Variants in DCLK1 observed in about 807,000 individuals in gnomAD.
DCLK1 encodes the protein doublecortin like kinase 1.
A neutral mutation model predicts 86.2 loss-of-function variants in DCLK1; 16 were observed. That is an observed-to-expected ratio of 0.19 (90% confidence interval 0.13 to 0.28). DCLK1 has a LOEUF of 0.28. Ranked by LOEUF, DCLK1 falls within the 10% of genes least tolerant of loss-of-function variation. The pLI is 1.00. For missense variants in DCLK1, 590 were observed against 940.2 expected (o/e 0.63, Z 4.87); for synonymous variants, 369 against 370.5 (o/e 1.00, Z 0.05).
intron 3 of DCLK1, among the ~76,000 whole-genome samples, chr13:36,057,265 C>G (rs940242112): frequency 3.1e-4 from 47 of 152,200 alleles, no homozygotes; most frequent in African/African-American, 9.6e-4. Context: ...CCAGTCGTCC[C>G]ACCCCTTTTC....
intron 16 of DCLK1, among the ~76,000 whole-genome samples, chr13:35,784,657 T>TGAATCC: frequency 1.3e-5 from 2 of 152,328 alleles, no homozygotes. Flanking sequence ...TGTGTTAAAC[T>TGAATCC]GAATCCCCCA....
intron 3 of DCLK1, among the ~76,000 whole-genome samples, chr13:35,962,067 A>G (rs1323609508): frequency 6.6e-6 from 1 of 152,208 alleles, no homozygotes; most frequent in East Asian, 1.9e-4. Flanking sequence ...AAAATTTTTC[A>G]GCTCAAGAAG....
chr13:35,829,667 C>T (rs1250720932), intron 8 of DCLK1, among the ~76,000 whole-genome samples: 1 of 151,966 alleles, frequency 6.6e-6, no homozygotes, highest in African/African-American at 2.4e-5. Flanking sequence ...TTCATGGTGC[C>T]GGCCTCAAAA....
At chr13:36,098,088 G>C (rs1328113904) in intron 3 of DCLK1, among the ~76,000 whole-genome samples, 3 of 152,044 alleles carry the variant, frequency 2.0e-5, no homozygotes, top group Non-Finnish European at 4.4e-5. Flanking sequence ...CCTGGCATAC[G>C]GTAAACATTC....
intron 4 of DCLK1, among the ~76,000 whole-genome samples, chr13:35,886,823 C>T (rs953675678): frequency 1.3e-5 from 2 of 152,308 alleles, no homozygotes; most frequent in African/African-American, 4.8e-5. Context: ...GGTTATTTCA[C>T]TTAAAGATTA....
At chr13:35,839,043 A>G in intron 7 of DCLK1, 49 bp downstream of exon 7, 1 of 1,525,742 alleles carries the variant, frequency 6.6e-7, no homozygotes. Flanking sequence ...GAGTAAATTT[A>G]GCCAACCCAT....
chr13:36,071,427 A>G (rs976978625), intron 3 of DCLK1, among the ~76,000 whole-genome samples: 27 of 152,166 alleles, frequency 1.8e-4, no homozygotes, highest in African/African-American at 5.8e-4. Flanking sequence ...ATGAGGAAAC[A>G]AATTCAGCAA....
intron 5 of DCLK1, among the ~76,000 whole-genome samples, chr13:35,859,831 G>T (rs868111919): frequency 4.6e-5 from 7 of 152,314 alleles, no homozygotes; most frequent in Middle Eastern, 6.8e-3. Context: ...GGAAATACTT[G>T]GCTTAATTTA....
chr13:35,871,299 A>T lies in DCLK1; in HGVS notation c.865T>A (p.Ser289Thr). 1 of 1,614,052 alleles carries T rather than the reference A, an allele frequency of 6.2e-7. No homozygotes were observed. The highest frequency in any genetic ancestry group is 8.5e-7 in the Non-Finnish European group (1 of 1,180,000). ...TTGGTGGTGCTCCTGCGGGATGATG[A>T]AGCTATTTTGGTGTAAGAAGTGGAC... ...VKSTSYTKIASSSRRSTTKSP... is the reference protein window; with the variant it reads ...VKSTSYTKIATSSRRSTTKSP... The change falls in exon 5 of 17, where the codon TCA (serine) becomes ACA (threonine). Residue 289 changes from serine to threonine, a missense_variant. By Grantham distance (58) the Ser-to-Thr change is moderately conservative (BLOSUM62 1). Transcript: ENST00000360631.
chr13:35,788,125 A>G (rs1287551645), intron 16 of DCLK1: 1 of 1,233,904 alleles, frequency 8.1e-7, no homozygotes, highest in African/African-American at 1.5e-5. Flanking sequence ...AATCAAAAGC[A>G]TGTTTATCCA....
intron 16 of DCLK1, among the ~76,000 whole-genome samples, chr13:35,774,901 G>A (rs1458827275): frequency 2.6e-5 from 4 of 152,116 alleles, no homozygotes; most frequent in African/African-American, 9.7e-5. Context: ...ACCTGGTCAT[G>A]ACATCTGCAG....
At chr13:35,887,735 A>T (rs1873367035) in intron 4 of DCLK1, among the ~76,000 whole-genome samples, 1 of 152,056 alleles carries the variant, frequency 6.6e-6, no homozygotes, top group African/African-American at 2.4e-5. Flanking sequence ...TTTCTTAAGG[A>T]CAGAGTTATA....
chr13:36,051,608 C>T (rs1404786493), intron 3 of DCLK1, among the ~76,000 whole-genome samples: 1 of 152,054 alleles, frequency 6.6e-6, no homozygotes, highest in East Asian at 1.9e-4. Flanking sequence ...GAAATTCACT[C>T]GTCTTTTCAT....
At chr13:35,928,018 G>A (rs559433200) in intron 4 of DCLK1, among the ~76,000 whole-genome samples, 8 of 152,302 alleles carry the variant, frequency 5.3e-5, no homozygotes, top group South Asian at 2.1e-4. Flanking sequence ...CCTGTCTGTC[G>A]CTTCAACTGG....
At chr13:35,991,374 A>G (rs1374053303) in intron 3 of DCLK1, among the ~76,000 whole-genome samples, 1 of 152,090 alleles carries the variant, frequency 6.6e-6, no homozygotes, top group African/African-American at 2.4e-5. Context: ...TGTCATTTAG[A>G]TTAAAGGCCA....
chr13:36,078,358 C>A (rs963410326), intron 3 of DCLK1, among the ~76,000 whole-genome samples: 1 of 152,188 alleles, frequency 6.6e-6, no homozygotes, highest in African/African-American at 2.4e-5. Flanking sequence ...CTTCTTCCAA[C>A]ACACAGACTA....
chr13:35,895,679 A>G (rs775199745), intron 4 of DCLK1, among the ~76,000 whole-genome samples: 5 of 152,010 alleles, frequency 3.3e-5, no homozygotes, highest in Non-Finnish European at 5.9e-5. Flanking sequence ...TAAAGCACCT[A>G]TTTTATAAAA....
intron 3 of DCLK1, among the ~76,000 whole-genome samples, chr13:36,056,571 C>G (rs1321446364): frequency 8.2e-6 from 1 of 122,130 alleles, no homozygotes; most frequent in Non-Finnish European, 1.6e-5. Flanking sequence ...ACATATGTAA[C>G]TAACCTGCAC....
At chr13:36,078,260 A>G (rs887001596) in intron 3 of DCLK1, among the ~76,000 whole-genome samples, 2 of 152,144 alleles carry the variant, frequency 1.3e-5, no homozygotes, top group African/African-American at 4.8e-5. Flanking sequence ...ACTATGAGAA[A>G]CATATGTTTG....
Sources: gnomAD v4.1 joint callset for allele counts (sites outside exome capture counted in the v4.1 genomes callset) on GRCh38, gnomAD v4.1.1 for gene constraint, MANE v1.5 for transcripts, NCBI Gene and HGNC (gene_info 2026-07-23, HGNC 2026-07-21) for gene names.